DPY19L2: variants seen among roughly 807,000 people sequenced by gnomAD.
DPY19L2 encodes dpy-19 like 2, also known as probable C-mannosyltransferase DPY19L2.
In DPY19L2, 34 loss-of-function variants were observed where a neutral mutation model predicts 97.9. The observed-to-expected ratio is 0.35, with a 90% CI of 0.26 to 0.46. The LOEUF (loss-of-function observed/expected upper bound fraction) is 0.46. Among genes scored for constraint, DPY19L2 ranks in the 20% least tolerant of loss-of-function variants. DPY19L2 has a pLI of 1.00. For synonymous variants in DPY19L2, 230 were observed against 307.9 expected (o/e 0.75, Z 2.65); for missense variants, 623 against 911.4 (o/e 0.68, Z 4.07).
intron 21 of DPY19L2, among the ~76,000 whole-genome samples, chr12:63,566,707 G>A (rs1251214995): frequency 6.6e-6 from 1 of 151,822 alleles, no homozygotes; most frequent in Non-Finnish European, 1.5e-5. Context: ...AAACATCTGG[G>A]TTGTTTCAGG....
intron 5 of DPY19L2, 30 bp from the exon 6 acceptor site, chr12:63,644,526 A>G (rs1480411202): frequency 6.3e-7 from 1 of 1,597,410 alleles, no homozygotes; most frequent in Non-Finnish European, 8.5e-7. Context: ...ATCAGTGTTT[A>G]ATGAATATAT....
At chr12:63,607,423 A>G (rs1177819044) in intron 12 of DPY19L2, among the ~76,000 whole-genome samples, 2 of 152,208 alleles carry the variant, frequency 1.3e-5, no homozygotes, top group African/African-American at 2.4e-5. Context: ...TAAAGAGTCA[A>G]ATTGGTAGAA....
At chr12:63,568,984 T>C (rs1485317479) in intron 21 of DPY19L2, among the ~76,000 whole-genome samples, 9 of 151,888 alleles carry the variant, frequency 5.9e-5, no homozygotes, top group Non-Finnish European at 1.3e-4. Flanking sequence ...AAAAGCTAAG[T>C]GGAAGATGTT....
At position 63,597,976 on chromosome 12, in the gene DPY19L2, C is replaced by T. The variant is rs1466666181; in HGVS notation, c.1360-66G>A. 5 of 1,220,112 alleles carry T rather than the reference C, an allele frequency of 4.1e-6. No individual in the cohort carries two copies. The East Asian group carries it at 1.0e-4, about 25-fold the overall frequency. The allele number at this position is 1,220,112 out of a possible 1,614,324, so 75.6% of individuals were successfully genotyped here. A position where few individuals can be genotyped will look rare whatever the true frequency, so the allele number is the denominator to read the frequency against. On this transcript the variant is annotated intron_variant, in intron 13 of 21. Coordinates refer to ENST00000324472, the MANE Select transcript of DPY19L2 (RefSeq NM_173812.5). ...TGATTATAGCCTATAGACAGTAATA[C>T]TTTATTGATGTAAGAATAACAAAGT...
chr12:63,573,771 G>T (rs140465782), intron 19 of DPY19L2, among the ~76,000 whole-genome samples: 2,001 of 152,046 alleles, frequency 0.013, 29 homozygotes, highest in Non-Finnish European at 0.019. Flanking sequence ...GGCCAGGAGA[G>T]CATGCCATGA....
intron 6 of DPY19L2, among the ~76,000 whole-genome samples, chr12:63,637,493 G>C (rs981720284): frequency 1.3e-5 from 2 of 151,582 alleles, no homozygotes; most frequent in African/African-American, 4.9e-5. Context: ...AAAGAGAGAA[G>C]AATCAAATAG....
At chr12:63,654,208 G>T (rs746711216) in intron 4 of DPY19L2, among the ~76,000 whole-genome samples, 22 of 152,020 alleles carry the variant, frequency 1.4e-4, no homozygotes, top group South Asian at 4.1e-4. Context: ...TAAAATATGT[G>T]TAAAACGAGT....
At chr12:63,661,274 T>G in intron 4 of DPY19L2, 70 bp downstream of exon 4, 3 of 1,402,016 alleles carry the variant, frequency 2.1e-6, no homozygotes, top group Non-Finnish European at 2.8e-6. Context: ...TTAACAAGAT[T>G]GTGCTTACTA....
At chr12:63,615,942 T>C (rs1887752219) in intron 11 of DPY19L2, among the ~76,000 whole-genome samples, 1 of 151,952 alleles carries the variant, frequency 6.6e-6, no homozygotes, top group Admixed American at 6.6e-5. Flanking sequence ...GAAATAATAA[T>C]AATACAACAG....
chr12:63,567,055 T>TATAACGATAAA (rs1877869905), intron 21 of DPY19L2, among the ~76,000 whole-genome samples: 2 of 152,230 alleles, frequency 1.3e-5, no homozygotes, highest in East Asian at 3.9e-4. Context: ...TAAATTACTG[T>TATAACGATAAA]TAACTAATAT....
intron 6 of DPY19L2, among the ~76,000 whole-genome samples, chr12:63,638,951 C>A (rs541197706): frequency 6.6e-6 from 1 of 152,104 alleles, no homozygotes; most frequent in Non-Finnish European, 1.5e-5. Flanking sequence ...TGACTTCAAA[C>A]TATACTACAA....
chr12:63,603,759 TC>T (rs1247273075), intron 12 of DPY19L2, among the ~76,000 whole-genome samples: 1 of 152,174 alleles, frequency 6.6e-6, no homozygotes, highest in Non-Finnish European at 1.5e-5. Context: ...ATTTTCTTTA[TC>T]CAGTCTATCA....
At chr12:63,601,691 G>A (rs1400444849) in intron 12 of DPY19L2, among the ~76,000 whole-genome samples, 1 of 152,088 alleles carries the variant, frequency 6.6e-6, no homozygotes, top group Non-Finnish European at 1.5e-5. Flanking sequence ...AGCTCTGGGA[G>A]ATTGGTAAAT....
At chr12:63,616,275 A>G (rs1019444547) in intron 11 of DPY19L2, among the ~76,000 whole-genome samples, 4 of 152,190 alleles carry the variant, frequency 2.6e-5, no homozygotes, top group Non-Finnish European at 5.9e-5. Context: ...AAAATAAAAA[A>G]GTTTTCATTA....
intron 17 of DPY19L2, among the ~76,000 whole-genome samples, chr12:63,583,066 T>G (rs902142851): frequency 2.6e-5 from 4 of 152,186 alleles, no homozygotes; most frequent in African/African-American, 9.7e-5. Flanking sequence ...TTTTGGATTT[T>G]GGGTTTTCAG....
intron 19 of DPY19L2, among the ~76,000 whole-genome samples, chr12:63,571,687 A>G (rs1383535303): frequency 1.3e-5 from 2 of 152,254 alleles, no homozygotes; most frequent in South Asian, 2.1e-4. Flanking sequence ...CCATTTATAC[A>G]TGCCATGAAA....
intron 4 of DPY19L2, among the ~76,000 whole-genome samples, chr12:63,656,480 CT>C (rs1405960893): frequency 1.3e-5 from 2 of 152,144 alleles, no homozygotes; most frequent in Non-Finnish European, 2.9e-5. Context: ...ACATTTACCC[CT>C]AGGTTTGCAT....
At chr12:63,658,211 C>T (rs1310319862) in intron 4 of DPY19L2, among the ~76,000 whole-genome samples, 2 of 152,028 alleles carry the variant, frequency 1.3e-5, no homozygotes, top group African/African-American at 4.8e-5. Flanking sequence ...ATATTTTCTC[C>T]TGGCCAGGCA....
At chr12:63,565,303 T>TA (rs751228444) in intron 21 of DPY19L2, among the ~76,000 whole-genome samples, 10 of 152,270 alleles carry the variant, frequency 6.6e-5, no homozygotes, top group Non-Finnish European at 1.3e-4. Context: ...CTCGTAAGTC[T>TA]AAAATCACAG....
Sources: gnomAD v4.1 joint callset for allele counts (sites outside exome capture counted in the v4.1 genomes callset) on GRCh38, gnomAD v4.1.1 for gene constraint, MANE v1.5 for transcripts, NCBI Gene and HGNC (gene_info 2026-07-23, HGNC 2026-07-21) for gene names.